Variants in DLG2 observed in about 807,000 individuals in gnomAD.
DLG2 encodes the protein disks large homolog 2.
Under a neutral mutation model 132.5 loss-of-function variants are expected in DLG2, and 45 were observed. The observed-to-expected ratio is 0.34, with a 90% CI of 0.27 to 0.44. The LOEUF is 0.44. Among genes scored for constraint, DLG2 ranks in the 20% least tolerant of loss-of-function variants. The pLI is 1.00. For synonymous variants in DLG2, 424 were observed against 419.6 expected (o/e 1.01, Z -0.13); for missense variants, 1,045 against 1,196.9 (o/e 0.87, Z 1.87).
At chr11:85,065,313 A>T (rs561629458) in intron 6 of DLG2, among the ~76,000 whole-genome samples, 2 of 151,420 alleles carry the variant, frequency 1.3e-5, no homozygotes, top group East Asian at 3.9e-4. Flanking sequence ...GTAAAATGCA[A>T]ATTTGACTAT....
intron 3 of DLG2, among the ~76,000 whole-genome samples, chr11:85,547,405 C>T (rs2153218181): frequency 6.6e-6 from 1 of 152,322 alleles, no homozygotes; most frequent in Non-Finnish European, 1.5e-5. Flanking sequence ...ACCTTTCTCT[C>T]TGGCTGCTCT....
intron 3 of DLG2, among the ~76,000 whole-genome samples, chr11:85,353,556 C>T (rs2083459161): frequency 6.6e-6 from 1 of 152,160 alleles, no homozygotes; most frequent in Non-Finnish European, 1.5e-5. Context: ...TATTGCAGCA[C>T]TATTCACAAT....
chr11:83,604,437 G>A (rs2059026497), intron 19 of DLG2, among the ~76,000 whole-genome samples: 1 of 152,064 alleles, frequency 6.6e-6, no homozygotes, highest in Admixed American at 6.5e-5. Context: ...TCATCTTTGG[G>A]TTTTTGAGGA....
chr11:84,059,252 T>G, intron 11 of DLG2, 63 bp downstream of exon 11: 1 of 1,504,708 alleles, frequency 6.6e-7, no homozygotes, highest in Non-Finnish European at 9.2e-7. Context: ...ACGACTATCG[T>G]GGCATAAACT....
At chr11:84,674,474 G>C (rs1217453827) in intron 6 of DLG2, among the ~76,000 whole-genome samples, 1 of 152,032 alleles carries the variant, frequency 6.6e-6, no homozygotes, top group Non-Finnish European at 1.5e-5. Flanking sequence ...CCTCTATCCT[G>C]CTAACTGGAG....
At chr11:83,930,854 A>C (rs1479978880) in intron 14 of DLG2, among the ~76,000 whole-genome samples, 2 of 152,216 alleles carry the variant, frequency 1.3e-5, no homozygotes, top group Admixed American at 1.3e-4. Flanking sequence ...GTGGAGCTTC[A>C]CTGGTCATCT....
At chr11:85,429,779 C>A (rs891070841) in intron 3 of DLG2, among the ~76,000 whole-genome samples, 17 of 152,140 alleles carry the variant, frequency 1.1e-4, no homozygotes, top group Admixed American at 2.0e-4. Flanking sequence ...ACTAGTTCAA[C>A]CATTGTGGAA....
chr11:85,155,868 A>C (rs1158327636), intron 4 of DLG2, among the ~76,000 whole-genome samples: 1 of 151,964 alleles, frequency 6.6e-6, no homozygotes, highest in Non-Finnish European at 1.5e-5. Flanking sequence ...CAAAAAAAAA[A>C]AAAAAAAATC....
chr11:84,062,835 T>G (rs1384797743), intron 10 of DLG2, among the ~76,000 whole-genome samples: 1 of 152,022 alleles, frequency 6.6e-6, no homozygotes, highest in Non-Finnish European at 1.5e-5. Context: ...ACTAGGGCAG[T>G]CAACTTCCCT....
At chr11:85,398,611 A>G (rs543370424) in intron 3 of DLG2, among the ~76,000 whole-genome samples, 2 of 152,320 alleles carry the variant, frequency 1.3e-5, no homozygotes, top group Admixed American at 1.3e-4. Flanking sequence ...CCACAATCCC[A>G]CAGAAATACA....
chr11:85,108,979 T>G (rs1465390328), intron 6 of DLG2, among the ~76,000 whole-genome samples: 2 of 152,114 alleles, frequency 1.3e-5, no homozygotes, highest in African/African-American at 4.8e-5. Context: ...CATAACTTTT[T>G]CCAAACTGTT....
intron 6 of DLG2, among the ~76,000 whole-genome samples, chr11:84,641,486 CAAGCTCA>C (rs1295875522): frequency 6.6e-6 from 1 of 152,152 alleles, no homozygotes; most frequent in Non-Finnish European, 1.5e-5. Context: ...ATCCTTAAAA[CAAGCTCA>C]AAGCCTAATG....
intron 3 of DLG2, among the ~76,000 whole-genome samples, chr11:85,367,231 G>A (rs147686579): frequency 6.6e-6 from 1 of 152,240 alleles, no homozygotes; most frequent in African/African-American, 2.4e-5. Context: ...TATGAGGGAT[G>A]ATTGTTCAAA....
chr11:83,913,837 T>C (rs890606496), intron 15 of DLG2, among the ~76,000 whole-genome samples: 6 of 152,168 alleles, frequency 3.9e-5, no homozygotes, highest in Middle Eastern at 3.4e-3. Context: ...GATGTGGAGA[T>C]TGGAAGATTA....
At chr11:83,876,940 T>C (rs2064925465) in intron 15 of DLG2, among the ~76,000 whole-genome samples, 1 of 152,138 alleles carries the variant, frequency 6.6e-6, no homozygotes, top group Non-Finnish European at 1.5e-5. Flanking sequence ...CCACCGTTGA[T>C]AGTTGGATAT....
chr11:83,683,717 G>C (rs1363803790), intron 18 of DLG2, among the ~76,000 whole-genome samples: 4 of 152,022 alleles, frequency 2.6e-5, no homozygotes, highest in African/African-American at 2.4e-5. Context: ...CATTCCTGCC[G>C]TATTTCCTTT....
chr11:83,987,241 GA>G (rs2093387906), intron 11 of DLG2, among the ~76,000 whole-genome samples: 1 of 152,030 alleles, frequency 6.6e-6, no homozygotes, highest in African/African-American at 2.4e-5. Context: ...TGGGTAGGAA[GA>G]ATCAATATTG....
chr11:83,489,502 T>TACA (rs1253537371), intron 21 of DLG2, among the ~76,000 whole-genome samples: 4 of 151,850 alleles, frequency 2.6e-5, no homozygotes, highest in African/African-American at 9.7e-5. Flanking sequence ...AAGCAACAAT[T>TACA]ACAACAACCA....
intron 4 of DLG2, among the ~76,000 whole-genome samples, chr11:85,173,207 T>C (rs1325519420): frequency 2.6e-5 from 4 of 151,988 alleles, no homozygotes; most frequent in Non-Finnish European, 5.9e-5. Flanking sequence ...AAAAAAATGG[T>C]TAAGAGCAGC....
Sources: gnomAD v4.1 joint callset for allele counts (sites outside exome capture counted in the v4.1 genomes callset) on GRCh38, gnomAD v4.1.1 for gene constraint, MANE v1.5 for transcripts, NCBI Gene and HGNC (gene_info 2026-07-23, HGNC 2026-07-21) for gene names.